NHSL2: variants seen among roughly 807,000 people sequenced by gnomAD.
NHSL2 encodes NHS like 2, also known as NHS-like protein 2.
NHSL2 carries 27 observed loss-of-function variants against 53.4 expected under a neutral mutation model. The ratio of observed to expected loss-of-function variants is 0.51; its 90% CI spans 0.37 to 0.70. The LOEUF (loss-of-function observed/expected upper bound fraction) is 0.70. Among genes scored for constraint, NHSL2 ranks in the 30% least tolerant of loss-of-function variants. NHSL2 has a pLI of 0.00. For synonymous variants in NHSL2, 408 were observed against 404.1 expected (o/e 1.01, Z -0.12); for missense variants, 892 against 980.1 (o/e 0.91, Z 1.20).
intron 1 of NHSL2, among the ~76,000 whole-genome samples, chrX:72,068,590 C>A (rs767901904): frequency 2.7e-5 from 3 of 112,354 alleles, no homozygotes; most frequent in African/African-American, 9.7e-5. Context: ...ACCACCTGCC[C>A]GGTGTCGCTT....
At chrX:72,119,061 G>C (rs1172825449) in intron 1 of NHSL2, among the ~76,000 whole-genome samples, 1 of 111,666 alleles carries the variant, frequency 9.0e-6, no homozygotes, top group Non-Finnish European at 1.9e-5. Context: ...TGGCACCCTT[G>C]TCAAAAATCC....
intron 1 of NHSL2, among the ~76,000 whole-genome samples, chrX:71,961,520 G>A (rs1187843684): frequency 9.3e-6 from 1 of 107,238 alleles, no homozygotes; most frequent in Non-Finnish European, 1.9e-5. Context: ...CTGTCTAGAC[G>A]TTCCAATACA....
chrX:72,139,533 C>T lies in NHSL2; in HGVS notation c.1985C>T (p.Thr662Ile). The T allele has an allele frequency of 8.3e-7, 1 of 1,211,225 alleles. No homozygotes were observed. The highest frequency in any genetic ancestry group is 1.1e-6 in the Non-Finnish European group (1 of 895,013). The change falls in exon 6 of 8, where the codon ACA becomes ATA. Residue 662 changes from threonine to isoleucine, a missense_variant. Coordinates refer to ENST00000633930, the MANE Select transcript of NHSL2 (RefSeq NM_001013627.3). ...LSSSSTATGTTVIECTQVQGS... is the reference protein window; with the variant it reads ...LSSSSTATGTIVIECTQVQGS... ...AGCTCCAGCACTGCCACTGGCACCA[C>T]AGTCATTGAGTGCACCCAAGTTCAG...
intron 1 of NHSL2, among the ~76,000 whole-genome samples, chrX:71,965,055 A>G (rs143038477): frequency 2.0e-3 from 222 of 111,686 alleles, no homozygotes; most frequent in African/African-American, 6.9e-3. Context: ...TTTCTACTCA[A>G]TTTTTCTATG....
chrX:72,093,753 T>G (rs1251215216), intron 1 of NHSL2, among the ~76,000 whole-genome samples: 5 of 107,634 alleles, frequency 4.6e-5, no homozygotes, highest in African/African-American at 6.8e-5. Context: ...TTTCTTTCTT[T>G]CTTTCTTTCT....
At position 72,144,562 on chromosome X, in the gene NHSL2, A is replaced by G. The variant is rs2042447648; in HGVS notation, c.*988A>G. On this transcript the variant is annotated 3_prime_UTR_variant, in exon 8 of 8. Coordinates refer to ENST00000633930, the MANE Select transcript of NHSL2 (RefSeq NM_001013627.3). The stretch of plus-strand genomic sequence containing the variant: ...AAGTAAGTGCATCTTGCCCCCCACC[A>G]GTCAATTCAGATCGTGGTTTGTGGT... The G allele has an allele frequency of 9.8e-7, 1 of 1,023,020 alleles. No individual in the cohort carries two copies. The highest frequency in any genetic ancestry group is 1.3e-6 in the Non-Finnish European group (1 of 774,606). The allele number at this position is 1,023,020 out of a possible 1,213,427, so 84.3% of individuals were successfully genotyped here.
intron 1 of NHSL2, among the ~76,000 whole-genome samples, chrX:71,944,125 G>A (rs777294723): frequency 8.9e-6 from 1 of 112,460 alleles, no homozygotes; most frequent in South Asian, 3.7e-4. Context: ...CAAGAGTGTG[G>A]ACTGAGAGAC....
chrX:72,140,977 T>A (rs1280157377), intron 6 of NHSL2: 2 of 358,009 alleles, frequency 5.6e-6, no homozygotes, highest in Admixed American at 5.4e-5. Flanking sequence ...CCGAGGCAGA[T>A]CTCCAAGGCC....
intron 1 of NHSL2, among the ~76,000 whole-genome samples, chrX:72,012,576 A>T (rs2042120477): frequency 8.9e-6 from 1 of 112,505 alleles, no homozygotes; most frequent in South Asian, 3.6e-4. Context: ...TCTTATAAGG[A>T]TACGTGTCAT....
At chrX:72,048,987 G>GAGGAGAAGA (rs1482632182) in intron 1 of NHSL2, among the ~76,000 whole-genome samples, 1 of 35,529 alleles carries the variant, frequency 2.8e-5, no homozygotes, top group Non-Finnish European at 6.6e-5. Context: ...GAAGAAGGAG[G>GAGGAGAAGA]AGAAGAAGAA....
chrX:72,054,308 C>T (rs1482913401), intron 1 of NHSL2, among the ~76,000 whole-genome samples: 2 of 111,104 alleles, frequency 1.8e-5, no homozygotes, highest in African/African-American at 6.6e-5. Context: ...GGAAACCCCC[C>T]AATCTCCACT....
At chrX:72,141,016 T>G in intron 6 of NHSL2, 1 of 307,121 alleles carries the variant, frequency 3.3e-6, no homozygotes, top group Middle Eastern at 9.7e-4. Flanking sequence ...CCTCTAAATC[T>G]CTAGTGCTGA....
chrX:71,926,007 T>C (rs1211619143), intron 1 of NHSL2, among the ~76,000 whole-genome samples: 1 of 111,594 alleles, frequency 9.0e-6, no homozygotes, highest in Non-Finnish European at 1.9e-5. Flanking sequence ...GGCTTTCTAG[T>C]GGATTGCAAG....
At chrX:72,137,347 G>A in intron 5 of NHSL2, 122 bp downstream of exon 5, 2 of 685,617 alleles carry the variant, frequency 2.9e-6, no homozygotes, top group Non-Finnish European at 4.3e-6. Context: ...GGGGCCTCCG[G>A]ATGTCCTGAA....
intron 1 of NHSL2, among the ~76,000 whole-genome samples, chrX:71,986,150 G>T (rs1042532064): frequency 1.8e-5 from 2 of 111,716 alleles, no homozygotes; most frequent in Middle Eastern, 4.6e-3. Flanking sequence ...TTATATTTGA[G>T]AATGTTTCCT....
intron 1 of NHSL2, among the ~76,000 whole-genome samples, chrX:71,968,790 T>C (rs1741941835): frequency 8.9e-6 from 1 of 112,384 alleles, no homozygotes; most frequent in Non-Finnish European, 1.9e-5. Flanking sequence ...GACTTTTCTT[T>C]CCCCATTTAA....
Position 72,152,375 on chromosome X carries a change from A to G in NHSL2, c.*8801A>G, listed in dbSNP as rs1239316414. 3 of 107,398 alleles carry G rather than the reference A, an allele frequency of 2.8e-5. No individual in the cohort carries two copies. Among genetic ancestry groups the G allele is most frequent in the Admixed American group, 1.0e-4 (1 of 9,893 alleles). 8.9% of individuals were successfully genotyped at this position (107,398 alleles called of 1,213,427 possible). On this transcript the variant is annotated 3_prime_UTR_variant, in exon 8 of 8. Coordinates refer to ENST00000633930, the MANE Select transcript of NHSL2 (RefSeq NM_001013627.3). ...CGCGCGCGCACACACACACACACAC[A>G]CACACACACACACACAGTCCAGCAC...
rs1177068607 is a variant in NHSL2 at position 72,022,002 on chromosome X, C to T, written c.281-110077C>T. Among the ~76,000 whole-genome samples the T allele has an allele frequency of 8.0e-5, 9 of 111,832 alleles. No homozygotes were observed. In the Admixed American group the frequency reaches 8.5e-4, roughly 11 times the overall value. ...TAGCCTCAGTCATGCCTTAGAATTCCTCTACCATGGTGCCTCTGCTCTCTG... is the reference window on the plus strand; with the variant it reads ...TAGCCTCAGTCATGCCTTAGAATTCTTCTACCATGGTGCCTCTGCTCTCTG... On this transcript the variant is annotated intron_variant, in intron 1 of 7. Coordinates refer to ENST00000633930, the MANE Select transcript of NHSL2 (RefSeq NM_001013627.3).
At chrX:71,977,761 A>G (rs1424056637) in intron 1 of NHSL2, among the ~76,000 whole-genome samples, 3 of 111,929 alleles carry the variant, frequency 2.7e-5, no homozygotes, top group African/African-American at 9.7e-5. Flanking sequence ...CCATGGCCGC[A>G]CCTTCTATTT....
Sources: gnomAD v4.1 joint callset for allele counts (sites outside exome capture counted in the v4.1 genomes callset) on GRCh38, gnomAD v4.1.1 for gene constraint, MANE v1.5 for transcripts, NCBI Gene and HGNC (gene_info 2026-07-23, HGNC 2026-07-21) for gene names.